The following PRPF19 variants were observed in gnomAD, a reference collection of about 807,000 sequenced individuals.
The protein encoded by PRPF19 is pre-mRNA processing factor 19.
PRPF19 carries 2 observed loss-of-function variants against 64.2 expected under a neutral mutation model. The ratio of observed to expected loss-of-function variants is 0.03; its 90% CI spans 0.01 to 0.10. The LOEUF (loss-of-function observed/expected upper bound fraction) is 0.10, where lower values mean the gene tolerates loss of function less well. Ranked by LOEUF, PRPF19 falls within the 10% of genes least tolerant of loss-of-function variation. PRPF19 has a pLI of 1.00. For missense variants in PRPF19, 314 were observed against 650.0 expected (o/e 0.48, Z 5.62); for synonymous variants, 226 against 251.6 (o/e 0.90, Z 0.96).
chr11:60,899,633 T>C (rs1855960047), intron 10 of PRPF19, among the ~76,000 whole-genome samples: 2 of 152,230 alleles, frequency 1.3e-5, no homozygotes, highest in Admixed American at 6.5e-5. Flanking sequence ...GAATTTTTTA[T>C]TCTATTTCAT....
intron 1 of PRPF19, among the ~76,000 whole-genome samples, chr11:60,905,806 C>T (rs1183179557): frequency 6.6e-6 from 1 of 152,242 alleles, no homozygotes; most frequent in Non-Finnish European, 1.5e-5. Context: ...TATAAATGTG[C>T]GCTGTTTTTA....
chr11:60,897,985 G>C, intron 14 of PRPF19, 34 bp from the exon 15 acceptor site: 3 of 1,610,784 alleles, frequency 1.9e-6, no homozygotes, highest in African/African-American at 1.3e-5. Flanking sequence ...GGTCACACAA[G>C]GGGAACAGAA....
At position 60,890,717 on chromosome 11, in the gene PRPF19, G is replaced by A. The variant is rs558499841; in HGVS notation, c.*449C>T. 55 of 456,098 alleles carry A rather than the reference G, an allele frequency of 1.2e-4. No individual in the cohort carries two copies. The highest frequency in any genetic ancestry group is 1.1e-3 in the African/African-American group (53 of 50,142). 28.3% of individuals were successfully genotyped at this position (456,098 alleles called of 1,614,324 possible). A position where few individuals can be genotyped will look rare whatever the true frequency, so the allele number is the denominator to read the frequency against. On this transcript the variant is annotated 3_prime_UTR_variant, in exon 16 of 16. Transcript: ENST00000227524. ...TGCTCCTGGTGCAGACAGACACGGG[G>A]AGGTGGTTATGGTTATTGTTTTCTT...
intron 15 of PRPF19, among the ~76,000 whole-genome samples, chr11:60,897,129 C>A (rs1032504198): frequency 6.6e-6 from 1 of 152,178 alleles, no homozygotes; most frequent in South Asian, 2.1e-4. Flanking sequence ...CCTGCAAGCT[C>A]CTTTCATGGC....
intron 10 of PRPF19, among the ~76,000 whole-genome samples, chr11:60,900,211 G>A (rs11230516): frequency 0.025 from 3,785 of 152,300 alleles, 71 homozygotes; most frequent in Non-Finnish European, 0.04. Context: ...CATCTTGGAG[G>A]ATCATGGGAA....
In PRPF19 at chr11:60,899,257, C is replaced by T. The variant is rs774772303; in HGVS notation, c.876G>A (p.Ser292=). 2.2e-5 allele frequency: 36 copies of T among 1,613,192 alleles called. No homozygotes were observed. Among genetic ancestry groups the T allele is most frequent in the Middle Eastern group, 1.6e-4 (1 of 6,082 alleles). Residue 292 remains serine (S), a synonymous_variant, in exon 11 of 16, where the codon TCG becomes TCA. Transcript: ENST00000227524. ...CCTGTACACAAGAGGCATTGGGGAC[C>T]GACCAAATCCTGATAGTGGCATCGG... ...ASPDATIRIW[S]VPNASCVQVV... is the part of the protein sequence containing the mutation.
chr11:60,894,833 G>C (rs1855902469), intron 15 of PRPF19, among the ~76,000 whole-genome samples: 2 of 152,192 alleles, frequency 1.3e-5, no homozygotes, highest in Admixed American at 1.3e-4. Context: ...ATTGGATGTT[G>C]CAGGCATGAA....
rs1276266375 is a variant in PRPF19 at position 60,904,800 on chromosome 11, A to G, written c.20-939T>C. Among the ~76,000 whole-genome samples the G allele has an allele frequency of 2.0e-5, 3 of 152,204 alleles. No individual in the cohort carries two copies. In the East Asian group the frequency reaches 5.8e-4, roughly 29 times the overall value. On this transcript the variant is annotated intron_variant, in intron 1 of 15. Transcript: ENST00000227524. The stretch of plus-strand genomic sequence containing the variant: ...CCTGTCCTTTTGTATTTTTATGAAA[A>G]CTTCATTACAAAGGCATGATTCAAT...
intron 15 of PRPF19, chr11:60,897,514 G>A (rs759495215): frequency 1.3e-4 from 29 of 224,850 alleles, no homozygotes; most frequent in Non-Finnish European, 2.1e-4. Flanking sequence ...TGGGCCTCCC[G>A]TGCATATGCA....
chr11:60,893,414 G>A (rs549394788), intron 15 of PRPF19, among the ~76,000 whole-genome samples: 1 of 151,830 alleles, frequency 6.6e-6, no homozygotes, highest in East Asian at 1.9e-4. Context: ...TGAGGCAGGA[G>A]AATCACTTGA....
At position 60,898,331 on chromosome 11, in the gene PRPF19, G is replaced by A; in HGVS notation, c.1141-60C>T. ...ACAGATCATGAGAGGAAGAAAATGG[G>A]GCTCACCAAACTCCTACCTGAGATG... is the stretch of plus-strand genomic sequence containing the variant. On this transcript the variant is annotated intron_variant, in intron 13 of 15. Transcript: ENST00000227524. The surrounding 1 kb of genome is among the most constrained non-coding windows in gnomAD (Gnocchi z 4.6). 6.3e-7 allele frequency: 1 copy of A among 1,581,480 alleles called. No homozygotes were observed. Among genetic ancestry groups the A allele is most frequent in the East Asian group, 2.3e-5 (1 of 44,302 alleles).
At chr11:60,905,562 A>C (rs1325443013) in intron 1 of PRPF19, 5 of 152,228 alleles carry the variant, frequency 3.3e-5, no homozygotes, top group Non-Finnish European at 5.9e-5. Context: ...TATCAAAGGG[A>C]AAGATAGTGG....
chr11:60,897,825 G>A (rs373516972), intron 15 of PRPF19, 21 bp downstream of exon 15: 6 of 1,605,700 alleles, frequency 3.7e-6, no homozygotes, highest in Non-Finnish European at 5.1e-6. Context: ...GAGATCCCAG[G>A]AGCCCAGGAC....
intron 15 of PRPF19, chr11:60,897,640 G>A: frequency 2.0e-6 from 1 of 507,328 alleles, no homozygotes; most frequent in Non-Finnish European, 3.5e-6. Flanking sequence ...AATGCCACAG[G>A]GCATGGAAGT....
chr11:60,891,643 A>T (rs1200123188), intron 15 of PRPF19, among the ~76,000 whole-genome samples: 1 of 152,204 alleles, frequency 6.6e-6, no homozygotes, highest in Admixed American at 6.5e-5. Context: ...TTCCAACCCC[A>T]GGGCACTCAG....
intron 15 of PRPF19, among the ~76,000 whole-genome samples, chr11:60,895,163 T>C (rs1855905479): frequency 6.6e-6 from 1 of 152,240 alleles, no homozygotes; most frequent in Non-Finnish European, 1.5e-5. Context: ...CATTGACTTC[T>C]CTCTAGCTGT....
Position 60,898,870 on chromosome 11 carries a change from G to A in PRPF19, c.1046C>T (p.Ser349Phe). 1 of 1,603,850 alleles carries A rather than the reference G, an allele frequency of 6.2e-7. No individual in the cohort carries two copies. Among genetic ancestry groups the A allele is most frequent in the Non-Finnish European group, 8.5e-7 (1 of 1,174,906 alleles). ...RVLTKVTDET[S>F]GCSLTCAQFH... is the part of the protein sequence containing the mutation. Reference sequence around the variant, plus strand: ...CCTATGAGGCAACTTACAGCAGCCGGAGGTCTCATCTGTCACCTTGGTGAG... The same window carrying A: ...CCTATGAGGCAACTTACAGCAGCCGAAGGTCTCATCTGTCACCTTGGTGAG... Residue 349 changes from serine (S) to phenylalanine (F), a missense_variant, in exon 12 of 16, where the codon TCC (serine) becomes TTC (phenylalanine). By Grantham distance (155) the Ser-to-Phe change is radical. This residue lies in a region of PRPF19 where 175 missense variants were observed against 342.9 expected (regional missense o/e 0.51). Transcript: ENST00000227524. The surrounding 1 kb of genome is among the most constrained non-coding windows in gnomAD (Gnocchi z 4.6).
rs200501116 is a variant in PRPF19 at position 60,899,140 on chromosome 11, G to A, written c.984+9C>T. On this transcript the variant is annotated intron_variant, in intron 11 of 15. Coordinates refer to ENST00000227524, the MANE Select transcript of PRPF19 (RefSeq NM_014502.5). ...GCAGGCCTCTCCAGGGCACTGGCTG[G>A]GACCGCACCTGATCATCGGAGGAGC... 47 of 1,609,532 alleles carry A rather than the reference G, an allele frequency of 2.9e-5. No individual in the cohort carries two copies. In the East Asian group the frequency reaches 1.0e-3, roughly 34 times the overall value.
At chr11:60,905,826 C>T (rs1856038990) in intron 1 of PRPF19, among the ~76,000 whole-genome samples, 1 of 152,228 alleles carries the variant, frequency 6.6e-6, no homozygotes, top group African/African-American at 2.4e-5. Context: ...ATTAGTCATA[C>T]AGTGTAAGGC....
Sources: allele counts gnomAD v4.1 joint callset (sites outside exome capture counted in the v4.1 genomes callset), GRCh38; gene constraint gnomAD v4.1.1; regional missense constraint gnomAD v4.1.1; non-coding constraint Gnocchi (gnomAD v3.1); transcripts MANE v1.5; gene names NCBI Gene and HGNC (gene_info 2026-07-23, HGNC 2026-07-21).